The following PPP4R3A variants were observed in gnomAD, a reference collection of about 807,000 sequenced individuals.
PPP4R3A encodes protein phosphatase 4 regulatory subunit 3A, also known as serine/threonine-protein phosphatase 4 regulatory subunit 3A.
In PPP4R3A, 15 loss-of-function variants were observed where a neutral mutation model predicts 91.7. The observed-to-expected ratio is 0.16, with a 90% CI of 0.11 to 0.25. The LOEUF (loss-of-function observed/expected upper bound fraction) is 0.25, where lower values mean the gene tolerates loss of function less well. Among genes scored for constraint, PPP4R3A ranks in the 10% least tolerant of loss-of-function variants. The probability of loss-of-function intolerance (pLI) is 1.00; values close to 1 mark genes in which losing one functional copy is unlikely to be tolerated. For synonymous variants in PPP4R3A, 377 were observed against 348.7 expected (o/e 1.08, Z -0.91); for missense variants, 623 against 998.4 (o/e 0.62, Z 5.07).
chr14:91,480,152 GA>G (rs917208196), intron 4 of PPP4R3A, among the ~76,000 whole-genome samples: 4 of 150,820 alleles, frequency 2.7e-5, no homozygotes, highest in Non-Finnish European at 5.9e-5. Flanking sequence ...CATACTATAA[GA>G]AAAAAAAATC....
At chr14:91,474,496 GAAAA>G (rs151176848) in intron 7 of PPP4R3A, 2 of 149,606 alleles carry the variant, frequency 1.3e-5, no homozygotes, top group African/African-American at 4.9e-5. Context: ...TGCAAAACAG[GAAAA>G]AAAAAGAGTC....
chr14:91,477,790 AG>A (rs1889299531), intron 4 of PPP4R3A, among the ~76,000 whole-genome samples: 1 of 152,186 alleles, frequency 6.6e-6, no homozygotes, highest in Non-Finnish European at 1.5e-5. Flanking sequence ...CTGGGACTAC[AG>A]GCACACACCA....
chr14:91,500,508 G>GT (rs1595088387), intron 1 of PPP4R3A, among the ~76,000 whole-genome samples: 4 of 151,950 alleles, frequency 2.6e-5, no homozygotes, highest in Non-Finnish European at 2.9e-5. Context: ...CTCAATACTT[G>GT]TTTTTTTAGG....
intron 1 of PPP4R3A, among the ~76,000 whole-genome samples, chr14:91,500,607 T>C (rs2140157886): frequency 6.6e-6 from 1 of 152,262 alleles, no homozygotes; most frequent in East Asian, 1.9e-4. Context: ...ACACCAAGCA[T>C]TAATAATGAC....
rs1891682586 is a variant in PPP4R3A at position 91,509,899 on chromosome 14, C to A, written c.-252G>T. 3 of 1,075,376 alleles carry A rather than the reference C, an allele frequency of 2.8e-6. No homozygotes were observed. The highest frequency in any genetic ancestry group is 2.2e-6 in the Non-Finnish European group (2 of 889,788). 66.6% of individuals were successfully genotyped at this position (1,075,376 alleles called of 1,614,324 possible). A position where few individuals can be genotyped will look rare whatever the true frequency, so the allele number is the denominator to read the frequency against. ...CAGGCCTGGCGAGCCCGGCGCCCGG[C>A]AGCCCCGAGGGGGCCGCGCAGCGCT... On this transcript the variant is annotated 5_prime_UTR_variant, in exon 1 of 15. Transcript: ENST00000554943.
At position 91,457,755 on chromosome 14, in the gene PPP4R3A, A is replaced by G. The variant is rs1050735284; in HGVS notation, c.*1004T>C. On this transcript the variant is annotated 3_prime_UTR_variant, in exon 15 of 15. Transcript: ENST00000554943. ...TTTGGAATACTAATTTCATGTTTCT[A>G]GATTTAACAAAACTGTTGAAGTTTT... 1.3e-5 allele frequency: 2 copies of G among 152,652 alleles called. No homozygotes were observed. The highest frequency in any genetic ancestry group is 4.8e-5 in the African/African-American group (2 of 41,470). 9.5% of individuals were successfully genotyped at this position (152,652 alleles called of 1,614,324 possible).
Position 91,475,926 on chromosome 14 carries a change from A to G in PPP4R3A, c.1151T>C (p.Ile384Thr), listed in dbSNP as rs1157047022. 3 of 1,610,160 alleles carry G rather than the reference A, an allele frequency of 1.9e-6. No homozygotes were observed. The highest frequency in any genetic ancestry group is 2.2e-5 in the East Asian group (1 of 44,756). Residue 384 changes from isoleucine (I) to threonine (T), a missense_variant, in exon 7 of 15, where the codon ATA becomes ACA. This residue lies in a region of PPP4R3A where 264 missense variants were observed against 377.3 expected (regional missense o/e 0.70). Coordinates refer to ENST00000554943, the MANE Select transcript of PPP4R3A (RefSeq NM_001366432.2). ...DTQVRSAATD[I>T]FSYLVEYNPS... is the part of the protein sequence containing the mutation. ...ATTATATTCAACCAAGTATGAGAAT[A>G]TATCAGTAGCAGCACTTCGCACCTG...
rs149598638 is a variant in PPP4R3A, at chr14:91,485,641, T to C, written c.288A>G (p.Lys96=). 63 of 1,604,260 alleles carry C rather than the reference T, an allele frequency of 3.9e-5. No individual in the cohort carries two copies. The highest frequency in any genetic ancestry group is 5.0e-5 in the Non-Finnish European group (59 of 1,178,918). ...EKAGCDEIWE[K]ICQVQGKDPS... Reference sequence around the variant, plus strand: ...TTATTTAAAAAATTACCTGACATATTTTCTCCCAAATTTCATCACATCCAG... The same window carrying C: ...TTATTTAAAAAATTACCTGACATATCTTCTCCCAAATTTCATCACATCCAG... Residue 96 remains lysine (K), a synonymous_variant, in exon 3 of 15, where the codon AAA becomes AAG. Transcript: ENST00000554943.
intron 1 of PPP4R3A, among the ~76,000 whole-genome samples, chr14:91,504,181 T>A (rs1268273598): frequency 2.0e-5 from 3 of 148,080 alleles, no homozygotes; most frequent in South Asian, 2.1e-4. Context: ...AAAAAAAAAA[T>A]TTTTTTTTAA....
chr14:91,462,706 C>T (rs186218680), intron 12 of PPP4R3A, 29 bp downstream of exon 12: 76 of 1,612,200 alleles, frequency 4.7e-5, no homozygotes, highest in Non-Finnish European at 5.7e-5. Flanking sequence ...TGATGCTGAA[C>T]GAATAGGTTT....
intron 7 of PPP4R3A, 139 bp from the exon 8 acceptor site, chr14:91,473,509 T>C: frequency 1.1e-6 from 1 of 880,972 alleles, no homozygotes; most frequent in African/African-American, 1.7e-5. Context: ...AACTCAGTTA[T>C]CTGACAGGAC....
Position 91,458,557 on chromosome 14 carries a change from C to CTTAAG in PPP4R3A, c.*197_*201dup. 1.3e-6 allele frequency: 1 copy of CTTAAG among 752,334 alleles called. No individual in the cohort carries two copies. The highest frequency in any genetic ancestry group is 2.7e-5 in the East Asian group (1 of 36,446). The allele number at this position is 752,334 out of a possible 1,614,324, so 46.6% of individuals were successfully genotyped here. On this transcript the variant is annotated 3_prime_UTR_variant, in exon 15 of 15. Coordinates refer to ENST00000554943, the MANE Select transcript of PPP4R3A (RefSeq NM_001366432.2). ...TGGTCCAAGCTGGAGAGCTCAAAGG[C>CTTAAG]TTAAGTCTTTCCCCTAAATATATGA...
chr14:91,463,069 G>A (rs565018848), intron 11 of PPP4R3A, among the ~76,000 whole-genome samples, 192 bp from the exon 12 acceptor site: 1 of 151,528 alleles, frequency 6.6e-6, no homozygotes, highest in Non-Finnish European at 1.5e-5. Flanking sequence ...TTTATCTATG[G>A]GTCTTTTTTT....
intron 2 of PPP4R3A, 69 bp from the exon 3 acceptor site, chr14:91,485,799 G>A: frequency 1.9e-6 from 2 of 1,073,978 alleles, no homozygotes; most frequent in Non-Finnish European, 2.7e-6. Flanking sequence ...ACAAACAAAA[G>A]GAAATAAAAC....
At chr14:91,490,695 C>T (rs1366435755) in intron 2 of PPP4R3A, 52 bp downstream of exon 2, 8 of 1,441,888 alleles carry the variant, frequency 5.5e-6, no homozygotes, top group Non-Finnish European at 7.7e-6. Context: ...AATAAACTTT[C>T]ATTTACTCAA....
chr14:91,470,407 A>G (rs1409721647), intron 10 of PPP4R3A, among the ~76,000 whole-genome samples: 1 of 152,188 alleles, frequency 6.6e-6, no homozygotes, highest in Non-Finnish European at 1.5e-5. Context: ...CACCTAGTAC[A>G]TATTTTAGGC....
intron 2 of PPP4R3A, among the ~76,000 whole-genome samples, chr14:91,489,476 T>C (rs1567158709): frequency 6.6e-6 from 1 of 152,218 alleles, no homozygotes; most frequent in Non-Finnish European, 1.5e-5. Context: ...CTAGCAAGTT[T>C]ATAAAATTTT....
intron 10 of PPP4R3A, among the ~76,000 whole-genome samples, chr14:91,468,694 AAAAG>A (rs1888643312): frequency 6.9e-6 from 1 of 144,564 alleles, no homozygotes; most frequent in African/African-American, 2.6e-5. Context: ...AAAAAAGGAA[AAAAG>A]AAAAAAAAGA....
rs573892996 is a variant in PPP4R3A, at chr14:91,461,400, G to A, written c.2372C>T (p.Thr791Met). 2.6e-5 allele frequency: 42 copies of A among 1,610,310 alleles called. No homozygotes were observed. The East Asian group carries it at 8.3e-4, about 32-fold the overall frequency. ...ATGTACCTTTGTAGTAATAGCTGCC[G>A]TCTGAGATGTATTTTTAGGTACGGA... is the stretch of plus-strand genomic sequence containing the variant. ...PGSVPKNTSQ[T>M]AAITTKGGLV... The change falls in exon 14 of 15, where the codon ACG (threonine) becomes ATG (methionine). Residue 791 changes from threonine (T) to methionine (M), a missense_variant. By Grantham distance (81) the Thr-to-Met change is moderately conservative (BLOSUM62 -1). Transcript: ENST00000554943.
Sources: allele counts gnomAD v4.1 joint callset (sites outside exome capture counted in the v4.1 genomes callset), GRCh38; gene constraint gnomAD v4.1.1; regional missense constraint gnomAD v4.1.1; transcripts MANE v1.5; gene names NCBI Gene and HGNC (gene_info 2026-07-23, HGNC 2026-07-21).